KDM4B: variants seen among roughly 807,000 people sequenced by gnomAD.
KDM4B encodes lysine-specific demethylase 4B.
A neutral mutation model predicts 125.2 loss-of-function variants in KDM4B; 32 were observed. The observed-to-expected ratio is 0.26, with a 90% confidence interval of 0.19 to 0.34. KDM4B has a LOEUF of 0.34. KDM4B is among the 10% of genes least tolerant of loss of function. The pLI is 1.00. For synonymous variants in KDM4B, 721 were observed against 677.9 expected, an observed-to-expected ratio of 1.06 and a Z score of -0.99; for missense variants, 1,190 against 1,577.7, an observed-to-expected ratio of 0.75 and a Z score of 4.16.
chr19:4,970,675 A>G (rs2034224965), intron 1 of KDM4B, among the ~76,000 whole-genome samples: 1 of 146,104 alleles, frequency 6.8e-6, no homozygotes, highest in Non-Finnish European at 1.5e-5. Context: ...CTCCAATAAT[A>G]GCTTCCTTAT....
At chr19:4,988,399 C>G (rs1166469746) in intron 1 of KDM4B, among the ~76,000 whole-genome samples, 2 of 152,184 alleles carry the variant, frequency 1.3e-5, no homozygotes. Flanking sequence ...CCTCAGCCTC[C>G]GGAGTAGCTG....
intron 9 of KDM4B, among the ~76,000 whole-genome samples, chr19:5,096,590 C>T (rs887330267): frequency 3.3e-5 from 5 of 152,118 alleles, no homozygotes; most frequent in Admixed American, 6.5e-5. Flanking sequence ...CTGGTGACAT[C>T]AGTGGCGCCT....
At chr19:5,070,659 C>T (rs892222868) in intron 6 of KDM4B, 4 of 184,740 alleles carry the variant, frequency 2.2e-5, no homozygotes, top group Admixed American at 1.7e-4. Flanking sequence ...AGGGTCCCCT[C>T]GCCACCCGCA....
rs902571875 is a variant in KDM4B at position 4,971,234 on chromosome 19, C to G, written c.-109+2004C>G. 6.6e-6 allele frequency among the ~76,000 whole-genome samples: 1 copy of G among 152,136 alleles called. No individual in the cohort carries two copies. The highest frequency in any genetic ancestry group is 2.4e-5 in the African/African-American group (1 of 41,430). On this transcript the variant is annotated intron_variant, in intron 1 of 22. Coordinates refer to ENST00000159111, the MANE Select transcript of KDM4B (RefSeq NM_015015.3). The surrounding 1 kb of genome is among the most constrained non-coding windows in gnomAD (Gnocchi z 4.1). ...AAGGTATAGCTGATCAGCCACCGCA[C>G]AGCACCCCGCCTGGCCTTTGTTGTA...
chr19:5,102,619 C>T (rs1270468638), intron 9 of KDM4B, among the ~76,000 whole-genome samples: 1 of 152,132 alleles, frequency 6.6e-6, no homozygotes, highest in Non-Finnish European at 1.5e-5. Context: ...TTGCTGTTGG[C>T]GTTGGGAGGG....
rs1039287748 is a variant in KDM4B, at chr19:5,115,894, A to C, written c.1116-3759A>C. Among the ~76,000 whole-genome samples the C allele has an allele frequency of 3.9e-5, 6 of 152,230 alleles. No individual in the cohort carries two copies. The highest frequency in any genetic ancestry group is 3.9e-4 in the Admixed American group (6 of 15,288). On this transcript the variant is annotated intron_variant, in intron 10 of 22. Transcript: ENST00000159111. This position sits in a 1 kb window ranked among gnomAD's most constrained non-coding sequence, Gnocchi z 4.2. Reference sequence around the variant, plus strand: ...GGAAGGATCAGGAAGTCAGAGGCGTAGTCTAGGAAATCTAGCCCCTGATAG... The same window carrying C: ...GGAAGGATCAGGAAGTCAGAGGCGTCGTCTAGGAAATCTAGCCCCTGATAG...
At chr19:5,116,981 G>A (rs546059337) in intron 10 of KDM4B, among the ~76,000 whole-genome samples, 81 of 152,292 alleles carry the variant, frequency 5.3e-4, no homozygotes, top group Non-Finnish European at 1.0e-3. Context: ...TCAGGAAGAG[G>A]CGTGCTCTTA....
chr19:5,127,956 T>TCA (rs2039477011), intron 11 of KDM4B, among the ~76,000 whole-genome samples: 1 of 95,596 alleles, frequency 1.0e-5, no homozygotes, highest in South Asian at 3.6e-4. Context: ...ACCTGTGGTC[T>TCA]CGTGAGGACA....
chr19:4,969,846 A>C (rs2034190091), intron 1 of KDM4B, among the ~76,000 whole-genome samples: 1 of 135,392 alleles, frequency 7.4e-6, no homozygotes, highest in South Asian at 2.4e-4. Flanking sequence ...GCCCCCCTGT[A>C]CGTACCCGAA....
chr19:5,031,630 A>C (rs1267125056), intron 2 of KDM4B, among the ~76,000 whole-genome samples: 4 of 152,210 alleles, frequency 2.6e-5, no homozygotes, highest in Non-Finnish European at 4.4e-5. Flanking sequence ...TGTGTGCTGC[A>C]GGCAGGGTAT....
At chr19:5,101,345 G>T (rs562266496) in intron 9 of KDM4B, among the ~76,000 whole-genome samples, 1 of 151,374 alleles carries the variant, frequency 6.6e-6, no homozygotes, top group Non-Finnish European at 1.5e-5. Context: ...ATGCTTGGGG[G>T]TAACGATCTA....
At chr19:5,117,739 G>T (rs1327203535) in intron 10 of KDM4B, among the ~76,000 whole-genome samples, 1 of 152,124 alleles carries the variant, frequency 6.6e-6, no homozygotes, top group African/African-American at 2.4e-5. Context: ...CTGTGTTAGT[G>T]ACTCTGGCCC....
chr19:4,969,512 C>T (rs1049134530), intron 1 of KDM4B, among the ~76,000 whole-genome samples: 39 of 149,234 alleles, frequency 2.6e-4, no homozygotes, highest in Middle Eastern at 3.5e-3. Context: ...CTTCCCGGGC[C>T]GGGGGCGCGC....
At chr19:5,148,816 C>T (rs531243176) in intron 21 of KDM4B, among the ~76,000 whole-genome samples, 3 of 152,328 alleles carry the variant, frequency 2.0e-5, no homozygotes, top group East Asian at 1.9e-4. Flanking sequence ...CTCTCCTCAC[C>T]GGACAGACGC....
In KDM4B at chr19:5,042,986, G is replaced by A. The variant is rs559130379; in HGVS notation, c.432+1735G>A. ...TTTTGACTGTGTCTTAACTGTGACCGGTCACATGAGGTCAGCTGTGAAAGT... is the reference window on the plus strand; with the variant it reads ...TTTTGACTGTGTCTTAACTGTGACCAGTCACATGAGGTCAGCTGTGAAAGT... On this transcript the variant is annotated intron_variant, in intron 5 of 22. Transcript: ENST00000159111. Among the ~76,000 whole-genome samples, 331 of 146,294 alleles carry A rather than the reference G, an allele frequency of 2.3e-3. 2 individuals are homozygous for A. Among genetic ancestry groups the A allele is most frequent in the Middle Eastern group, 0.01 (3 of 294 alleles).
chr19:5,124,618 A>G (rs9807864), intron 11 of KDM4B, among the ~76,000 whole-genome samples: 27,667 of 152,030 alleles, frequency 0.18, 2,624 homozygotes, highest in Admixed American at 0.22. Context: ...TCCTTTCCTG[A>G]TGGAGTTCCG....
At chr19:5,147,837 A>C (rs1568328118) in intron 21 of KDM4B, among the ~76,000 whole-genome samples, 1 of 151,878 alleles carries the variant, frequency 6.6e-6, no homozygotes, top group Non-Finnish European at 1.5e-5. Context: ...GGAAGCCAGC[A>C]AGCCACCGTG....
At chr19:5,093,681 C>A (rs1316606762) in intron 9 of KDM4B, among the ~76,000 whole-genome samples, 1 of 152,222 alleles carries the variant, frequency 6.6e-6, no homozygotes, top group Non-Finnish European at 1.5e-5. Flanking sequence ...CCACCCACAC[C>A]CACCCCAGAC....
intron 13 of KDM4B, 89 bp from the exon 14 acceptor site, chr19:5,133,794 G>T: frequency 7.1e-7 from 1 of 1,406,810 alleles, no homozygotes; most frequent in East Asian, 2.3e-5. Context: ...TGTAGACCCG[G>T]GGCCATCCCC....
Sources: gnomAD v4.1 joint callset for allele counts (sites outside exome capture counted in the v4.1 genomes callset) on GRCh38, gnomAD v4.1.1 for gene constraint, Gnocchi (gnomAD v3.1) non-coding constraint, MANE v1.5 for transcripts, NCBI Gene and HGNC (gene_info 2026-07-23, HGNC 2026-07-21) for gene names.